Variants in RFC3 observed in about 807,000 individuals in gnomAD.
The protein encoded by RFC3 is replication factor C subunit 3.
A neutral mutation model predicts 45.1 loss-of-function variants in RFC3; 41 were observed. That is an observed-to-expected ratio of 0.91 (90% CI 0.71 to 1.18). RFC3 has a LOEUF of 1.18. Ranked by LOEUF, RFC3 falls within the 50% of genes most tolerant of loss-of-function variation. The pLI is 0.00. For synonymous variants in RFC3, 149 were observed against 144.0 expected (o/e 1.03, Z -0.25); for missense variants, 423 against 428.1 (o/e 0.99, Z 0.10).
chr13:33,887,548 T>A (rs367550640), intron 8 of RFC3, among the ~76,000 whole-genome samples: 10,673 of 151,862 alleles, frequency 0.07, 616 homozygotes, highest in African/African-American at 0.15. Flanking sequence ...CTTTGTCAGA[T>A]GAGTAGGTTG....
chr13:33,914,798 T>A (rs1294409493), intron 8 of RFC3, among the ~76,000 whole-genome samples: 1 of 152,138 alleles, frequency 6.6e-6, no homozygotes, highest in Non-Finnish European at 1.5e-5. Context: ...AAATTTATGA[T>A]CTCATAAATA....
intron 8 of RFC3, among the ~76,000 whole-genome samples, chr13:33,957,488 C>CAAAAGCTGCATTTTCTTGTATCTCCAAAG (rs1293992139): frequency 6.6e-6 from 1 of 152,014 alleles, no homozygotes; most frequent in Non-Finnish European, 1.5e-5. Flanking sequence ...TGCATTTTGC[C>CAAAAGCTGCATTTTCTTGTATCTCCAAAG]CTGTTCCGTA....
At chr13:33,852,684 T>C (rs1188747741) in intron 8 of RFC3, among the ~76,000 whole-genome samples, 1 of 152,176 alleles carries the variant, frequency 6.6e-6, no homozygotes, top group African/African-American at 2.4e-5. Context: ...AGTATAATAG[T>C]TTATAAAGAC....
intron 7 of RFC3, among the ~76,000 whole-genome samples, chr13:33,833,534 T>A (rs1308186013): frequency 6.6e-6 from 1 of 152,058 alleles, no homozygotes; most frequent in Non-Finnish European, 1.5e-5. Flanking sequence ...ATGGTAAATG[T>A]AGAATATGTT....
chr13:33,957,003 CTATCTAT>C (rs2083026110), intron 8 of RFC3, among the ~76,000 whole-genome samples: 1 of 152,154 alleles, frequency 6.6e-6, no homozygotes, highest in Admixed American at 6.5e-5. Flanking sequence ...TATCTACCTA[CTATCTAT>C]TATCTATCAT....
intron 8 of RFC3, among the ~76,000 whole-genome samples, chr13:33,916,339 G>GA (rs2082733270): frequency 6.6e-6 from 1 of 151,948 alleles, no homozygotes; most frequent in South Asian, 2.1e-4. Flanking sequence ...CTTAGAGATG[G>GA]AAAGAAAGAA....
chr13:33,973,599 T>A, the RFC3 span, among the ~76,000 whole-genome samples: 9 of 151,732 alleles, frequency 5.9e-5, no homozygotes, highest in South Asian at 8.4e-4. Context: ...CAACTCCTTC[T>A]CCTTCTCCTT....
chr13:33,842,428 C>T (rs1328843685), downstream of RFC3, among the ~76,000 whole-genome samples: 6 of 152,250 alleles, frequency 3.9e-5, no homozygotes, highest in African/African-American at 1.4e-4. Context: ...TCCAGTGGAT[C>T]CAGACTGTAT....
chr13:33,972,638 G>C, the RFC3 span, among the ~76,000 whole-genome samples: 1 of 152,100 alleles, frequency 6.6e-6, no homozygotes, highest in South Asian at 2.1e-4. Flanking sequence ...ACCAAACTCT[G>C]TACCTGCAAG....
At chr13:33,944,475 T>C (rs757178839) in intron 8 of RFC3, among the ~76,000 whole-genome samples, 39 of 152,174 alleles carry the variant, frequency 2.6e-4, no homozygotes, top group Non-Finnish European at 3.8e-4. Flanking sequence ...AATGCAAGGA[T>C]GTGGAACCCA....
At chr13:33,853,722 G>T (rs2082291693) in intron 8 of RFC3, among the ~76,000 whole-genome samples, 1 of 152,152 alleles carries the variant, frequency 6.6e-6, no homozygotes, top group Non-Finnish European at 1.5e-5. Context: ...ATACATGTTT[G>T]TTGTTACTAA....
At chr13:33,898,986 A>G (rs531340716) in intron 8 of RFC3, among the ~76,000 whole-genome samples, 2 of 151,686 alleles carry the variant, frequency 1.3e-5, no homozygotes, top group Non-Finnish European at 3.0e-5. Flanking sequence ...AACCAATAAC[A>G]AGTAATGAGA....
intron 8 of RFC3, among the ~76,000 whole-genome samples, chr13:33,956,578 C>G (rs2083023346): frequency 6.6e-6 from 1 of 152,090 alleles, no homozygotes; most frequent in Admixed American, 6.5e-5. Context: ...ATGCCCAAAC[C>G]TTAAATGCAT....
At chr13:33,870,449 A>G (rs1472010320) in intron 8 of RFC3, among the ~76,000 whole-genome samples, 4 of 152,210 alleles carry the variant, frequency 2.6e-5, no homozygotes, top group Non-Finnish European at 5.9e-5. Context: ...TAAATATACA[A>G]CATTTTGCAA....
chr13:33,843,351 T>G (rs1447536431), intron 8 of RFC3, among the ~76,000 whole-genome samples: 1 of 152,192 alleles, frequency 6.6e-6, no homozygotes. Flanking sequence ...TCCACAAACC[T>G]CAGCTCCTAT....
the RFC3 span, among the ~76,000 whole-genome samples, chr13:33,975,986 C>T: frequency 1.6e-4 from 25 of 152,124 alleles, no homozygotes; most frequent in Admixed American, 1.4e-3. Flanking sequence ...TTTGGAGAAG[C>T]GACTGATTGT....
chr13:33,903,399 C>T (rs2137675758), intron 8 of RFC3, among the ~76,000 whole-genome samples: 1 of 152,110 alleles, frequency 6.6e-6, no homozygotes, highest in South Asian at 2.1e-4. Flanking sequence ...AAGCATAGGT[C>T]ATAGTACAAT....
intron 8 of RFC3, among the ~76,000 whole-genome samples, chr13:33,882,207 C>G (rs147045983): frequency 6.6e-6 from 1 of 152,216 alleles, no homozygotes; most frequent in Non-Finnish European, 1.5e-5. Flanking sequence ...AAAACTGGCA[C>G]AGTATAATAT....
At chr13:33,937,863 A>G (rs1227159603) in intron 8 of RFC3, among the ~76,000 whole-genome samples, 2 of 152,102 alleles carry the variant, frequency 1.3e-5, no homozygotes, top group Non-Finnish European at 2.9e-5. Context: ...ACCACTAGCC[A>G]TTAACATTTG....
Sources: allele counts gnomAD v4.1 joint callset (sites outside exome capture counted in the v4.1 genomes callset), GRCh38; gene constraint gnomAD v4.1.1; transcripts MANE v1.5; gene names NCBI Gene and HGNC (gene_info 2026-07-23, HGNC 2026-07-21).